Variants in ASIC5 observed in about 807,000 individuals in gnomAD.
The protein encoded by ASIC5 is bile acid-sensitive ion channel.
In ASIC5, 52 loss-of-function variants were observed where a neutral mutation model predicts 51.2. The ratio of observed to expected loss-of-function variants is 1.02; its 90% CI spans 0.81 to 1.28. The LOEUF is 1.28. ASIC5 is among the 50% of genes most tolerant of loss of function. The pLI is 0.00. For missense variants in ASIC5, 635 were observed against 595.0 expected, an observed-to-expected ratio of 1.07 and a Z score of -0.70; for synonymous variants, 231 against 200.7, an observed-to-expected ratio of 1.15 and a Z score of -1.28.
rs34057823 is a variant in ASIC5, at chr4:155,829,807, T to G, written c.*49A>C. On this transcript the variant is annotated 3_prime_UTR_variant, in exon 10 of 10. Transcript: ENST00000537611. ...TGACGTAACAATGAATTAGTCAAGA[T>G]AAATCTGAAGGTATCATGAAAAGGA... 84,555 of 1,231,222 alleles carry G rather than the reference T, an allele frequency of 0.069. 3,436 individuals carry two copies. The highest frequency in any genetic ancestry group is 0.12 in the South Asian group (6,963 of 57,916). 76.3% of individuals were successfully genotyped at this position (1,231,222 alleles called of 1,614,324 possible).
intron 9 of ASIC5, 74 bp downstream of exon 9, chr4:155,831,750 G>T: frequency 1.0e-6 from 1 of 995,900 alleles, no homozygotes; most frequent in African/African-American, 1.7e-5. Context: ...CTCCAGCCTG[G>T]GCTACAGAGC....
In ASIC5 at chr4:155,859,694, G is replaced by A. The variant is rs181883465; in HGVS notation, c.347+3754C>T. 7.2e-4 allele frequency among the ~76,000 whole-genome samples: 110 copies of A among 152,114 alleles called. 2 individuals are homozygous for A. In the East Asian group the frequency reaches 0.014, roughly 19 times the overall value. Reference sequence around the variant, plus strand: ...AGAACAATGGGCTTCAAACTAGAATGTGCCTATGTCTGAGTGTTCTCCTGC... The same window carrying A: ...AGAACAATGGGCTTCAAACTAGAATATGCCTATGTCTGAGTGTTCTCCTGC... On this transcript the variant is annotated intron_variant, in intron 2 of 9. Transcript: ENST00000537611.
At chr4:155,849,838 A>T (rs144174010) in intron 4 of ASIC5, among the ~76,000 whole-genome samples, 66 of 152,206 alleles carry the variant, frequency 4.3e-4, no homozygotes, top group African/African-American at 1.5e-3. Flanking sequence ...GCCTATTTAC[A>T]TACATAAGCC....
intron 2 of ASIC5, among the ~76,000 whole-genome samples, chr4:155,860,625 T>C (rs1351067654): frequency 1.3e-5 from 2 of 151,938 alleles, no homozygotes; most frequent in Non-Finnish European, 2.9e-5. Context: ...AGAATAATTT[T>C]CTTATAATTA....
intron 2 of ASIC5, among the ~76,000 whole-genome samples, chr4:155,863,205 G>A (rs1010795608): frequency 6.6e-6 from 1 of 151,898 alleles, no homozygotes; most frequent in East Asian, 1.9e-4. Context: ...GATAGGATTT[G>A]GGATGTTACC....
chr4:155,832,533 C>T (rs745851948), intron 8 of ASIC5, among the ~76,000 whole-genome samples: 3 of 152,110 alleles, frequency 2.0e-5, no homozygotes, highest in Non-Finnish European at 2.9e-5. Context: ...ACTAATAGCT[C>T]GTTACACGGT....
chr4:155,865,287 G>A (rs796733660), intron 1 of ASIC5, among the ~76,000 whole-genome samples: 21 of 152,174 alleles, frequency 1.4e-4, no homozygotes, highest in African/African-American at 4.3e-4. Context: ...TAATGAACAT[G>A]TATCAAGTAA....
intron 4 of ASIC5, among the ~76,000 whole-genome samples, chr4:155,850,507 A>G (rs1741356632): frequency 6.6e-6 from 1 of 152,004 alleles, no homozygotes; most frequent in Non-Finnish European, 1.5e-5. Flanking sequence ...ACTTTCTAAA[A>G]TGATTGAGAC....
rs752446214 is a variant in ASIC5, at chr4:155,836,774, C to T, written c.1150G>A (p.Ala384Thr). ...GGAAAAGAGGAATAAGAAATAGTGG[C>T]CGGGTATTCTATTTCTTCACAAGAA... ...PVSCEEIEYPATISYSSFPSQ... is the reference protein window; with the variant it reads ...PVSCEEIEYPTTISYSSFPSQ... The change falls in exon 8 of 10, where the codon GCC (alanine) becomes ACC (threonine). Residue 384 changes from alanine (A) to threonine (T), a missense_variant. Physicochemically the swap from Ala to Thr is moderately conservative, Grantham distance 58. Coordinates refer to ENST00000537611, the MANE Select transcript of ASIC5 (RefSeq NM_017419.3). 5 of 1,603,466 alleles carry T rather than the reference C, an allele frequency of 3.1e-6. No individual in the cohort carries two copies. The African/African-American group carries it at 4.0e-5, about 13-fold the overall frequency.
At chr4:155,836,217 G>A (rs149978160) in intron 8 of ASIC5, among the ~76,000 whole-genome samples, 154 of 152,222 alleles carry the variant, frequency 1.0e-3, no homozygotes, top group Middle Eastern at 3.4e-3. Context: ...AAGTTCTTGG[G>A]CATAACTTCT....
chr4:155,837,059 G>A (rs1027405723), intron 7 of ASIC5, among the ~76,000 whole-genome samples: 2 of 152,126 alleles, frequency 1.3e-5, no homozygotes, highest in African/African-American at 4.8e-5. Context: ...TCCAATCTTT[G>A]AATTCATTGA....
chr4:155,843,267 T>A (rs1417447472), intron 5 of ASIC5, among the ~76,000 whole-genome samples: 1 of 152,048 alleles, frequency 6.6e-6, no homozygotes, highest in Non-Finnish European at 1.5e-5. Context: ...GAGATGCAAA[T>A]TCAGGAAGCT....
At chr4:155,838,767 C>A in intron 7 of ASIC5, 46 bp downstream of exon 7, 1 of 1,192,404 alleles carries the variant, frequency 8.4e-7, no homozygotes, top group Non-Finnish European at 1.2e-6. Flanking sequence ...TTACTTTGAG[C>A]AACTTTAATA....
At chr4:155,848,413 T>C (rs1741304767) in intron 4 of ASIC5, among the ~76,000 whole-genome samples, 1 of 152,028 alleles carries the variant, frequency 6.6e-6, no homozygotes, top group Non-Finnish European at 1.5e-5. Context: ...AAATATGAAA[T>C]GGTGTTTGGT....
At chr4:155,849,187 T>C (rs1268663320) in intron 4 of ASIC5, among the ~76,000 whole-genome samples, 1 of 152,024 alleles carries the variant, frequency 6.6e-6, no homozygotes, top group East Asian at 1.9e-4. Flanking sequence ...TGACCTCATA[T>C]TTTGTGTACA....
At chr4:155,853,542 G>A (rs1386537706) in intron 3 of ASIC5, among the ~76,000 whole-genome samples, 3 of 146,652 alleles carry the variant, frequency 2.0e-5, no homozygotes, top group Non-Finnish European at 3.0e-5. Context: ...TTTGTTATGA[G>A]TGAATGTTTA....
At chr4:155,832,534 G>A (rs771928705) in intron 8 of ASIC5, among the ~76,000 whole-genome samples, 2 of 152,224 alleles carry the variant, frequency 1.3e-5, no homozygotes, top group East Asian at 1.9e-4. Flanking sequence ...CTAATAGCTC[G>A]TTACACGGTC....
At chr4:155,841,618 C>T (rs1741122993) in intron 6 of ASIC5, among the ~76,000 whole-genome samples, 1 of 152,108 alleles carries the variant, frequency 6.6e-6, no homozygotes, top group Non-Finnish European at 1.5e-5. Flanking sequence ...ATTTTACAGT[C>T]CCAAAGAAAA....
Position 155,837,387 on chromosome 4 carries a change from T to C in ASIC5, c.1067-530A>G, listed in dbSNP as rs79111635. ...CAAATCAACCACTGAGGTTCTCTGT[T>C]CAGTGATCTCTCTTGGCTCCTTCAG... On this transcript the variant is annotated intron_variant, in intron 7 of 9. Transcript: ENST00000537611. Among the ~76,000 whole-genome samples the C allele has an allele frequency of 4.4e-3, 663 of 152,264 alleles. 4 individuals carry two copies. Among genetic ancestry groups the C allele is most frequent in the African/African-American group, 0.015 (638 of 41,556 alleles).
Sources: gnomAD v4.1 joint callset for allele counts (sites outside exome capture counted in the v4.1 genomes callset) on GRCh38, gnomAD v4.1.1 for gene constraint, MANE v1.5 for transcripts, NCBI Gene and HGNC (gene_info 2026-07-23, HGNC 2026-07-21) for gene names.